HACL1: variants seen among roughly 807,000 people sequenced by gnomAD.
The protein encoded by HACL1 is 2-hydroxyacyl-CoA lyase 1.
Under a neutral mutation model 74.2 loss-of-function variants are expected in HACL1, and 64 were observed. The ratio of observed to expected loss-of-function variants is 0.86; its 90% CI spans 0.70 to 1.06. The LOEUF (loss-of-function observed/expected upper bound fraction) is 1.06, where lower values mean the gene tolerates loss of function less well. HACL1 is among the 50% of genes least tolerant of loss of function. The pLI, the probability that HACL1 is intolerant of heterozygous loss-of-function variation, is 0.00. For missense variants in HACL1, 728 were observed against 719.7 expected (o/e 1.01, Z -0.13); for synonymous variants, 230 against 238.8 (o/e 0.96, Z 0.34).
At chr3:15,585,406 A>G in intron 6 of HACL1, 64 bp from the exon 7 acceptor site, 1 of 885,892 alleles carries the variant, frequency 1.1e-6, no homozygotes, top group Non-Finnish European at 1.8e-6. Flanking sequence ...TTCTACTCAA[A>G]GATAATTTAA....
At chr3:15,568,686 A>G in intron 12 of HACL1, 100 bp from the exon 13 acceptor site, 4 of 714,606 alleles carry the variant, frequency 5.6e-6, no homozygotes, top group Non-Finnish European at 9.4e-6. Context: ...ATACGCAACA[A>G]CTACAAGCTA....
At chr3:15,578,237 G>A (rs1416185232) in intron 9 of HACL1, among the ~76,000 whole-genome samples, 2 of 151,560 alleles carry the variant, frequency 1.3e-5, no homozygotes, top group African/African-American at 4.9e-5. Flanking sequence ...TATTTTTTAT[G>A]TTGATGCTGA....
At chr3:15,581,107 G>A (rs1025518948) in intron 8 of HACL1, among the ~76,000 whole-genome samples, 3 of 152,156 alleles carry the variant, frequency 2.0e-5, no homozygotes, top group Non-Finnish European at 4.4e-5. Flanking sequence ...TCACCATGTT[G>A]GCCAGGATGG....
intron 9 of HACL1, among the ~76,000 whole-genome samples, chr3:15,578,439 A>T (rs2063663387): frequency 2.0e-5 from 3 of 152,228 alleles, no homozygotes; most frequent in Non-Finnish European, 4.4e-5. Flanking sequence ...AAGTTTGAAG[A>T]AGCAACCCAC....
At chr3:15,572,202 C>T (rs148590494) in intron 11 of HACL1, among the ~76,000 whole-genome samples, 32 of 152,236 alleles carry the variant, frequency 2.1e-4, no homozygotes, top group Non-Finnish European at 1.6e-4. Context: ...GAAGACTATA[C>T]GGCCATACTA....
chr3:15,591,695 G>T lies in HACL1; in HGVS notation c.228-15C>A. 2 of 1,573,694 alleles carry T rather than the reference G, an allele frequency of 1.3e-6. No individual in the cohort carries two copies. The highest frequency in any genetic ancestry group is 1.7e-6 in the Non-Finnish European group (2 of 1,146,256). On this transcript the variant is annotated splice_polypyrimidine_tract_variant and intron_variant, in intron 3 of 16. Transcript: ENST00000321169. ...AGACTCCTGGCCTAAAAGCAAAACA[G>T]AATTTATTAAAATCAGGTCAAATGT...
chr3:15,568,733 G>A (rs1302245451), intron 12 of HACL1, 147 bp from the exon 13 acceptor site: 7 of 590,160 alleles, frequency 1.2e-5, no homozygotes, highest in Non-Finnish European at 2.1e-5. Context: ...GCCACTCTGA[G>A]AAGTTGGCTG....
chr3:15,561,451 A>G (rs187305543), intron 16 of HACL1, among the ~76,000 whole-genome samples: 2 of 151,772 alleles, frequency 1.3e-5, no homozygotes, highest in South Asian at 4.1e-4. Context: ...ATGAAAATAA[A>G]TAATTTCAAA....
intron 16 of HACL1, 74 bp from the exon 17 acceptor site, chr3:15,560,971 G>C: frequency 8.6e-7 from 1 of 1,162,912 alleles, no homozygotes; most frequent in Non-Finnish European, 1.3e-6. Context: ...TGTTTCACTT[G>C]TTCTAAAACC....
At position 15,601,478 on chromosome 3, in the gene HACL1, C is replaced by A; in HGVS notation, c.-15G>T. The A allele has an allele frequency of 6.2e-7, 1 of 1,612,060 alleles. No homozygotes were observed. Among genetic ancestry groups the A allele is most frequent in the Non-Finnish European group, 8.5e-7 (1 of 1,180,028 alleles). ...CTGTCCGGCATCTTCCACCGAAAAG[C>A]TCTAAGCACTCACGCAGCCGGCAAA... On this transcript the variant is annotated 5_prime_UTR_variant, in exon 1 of 17. Transcript: ENST00000321169.
At chr3:15,586,448 G>T in intron 6 of HACL1, 77 bp downstream of exon 6, 1 of 773,712 alleles carries the variant, frequency 1.3e-6, no homozygotes, top group South Asian at 1.6e-5. Flanking sequence ...TCATTCTTTT[G>T]AGAATAAAAA....
At chr3:15,581,322 A>AC (rs1553643520) in intron 8 of HACL1, among the ~76,000 whole-genome samples, 1 of 150,362 alleles carries the variant, frequency 6.7e-6, no homozygotes, top group Non-Finnish European at 1.5e-5. Context: ...CAAGACCACT[A>AC]TTTTTTTTTG....
intron 10 of HACL1, among the ~76,000 whole-genome samples, chr3:15,573,916 G>A (rs973536940): frequency 5.9e-5 from 9 of 152,174 alleles, no homozygotes; most frequent in African/African-American, 2.2e-4. Flanking sequence ...TAATCAAGAG[G>A]GCAATCAAGA....
Position 15,580,057 on chromosome 3 carries a change from G to A in HACL1, c.668-12C>T. 1.2e-6 allele frequency: 2 copies of A among 1,607,860 alleles called. No individual in the cohort carries two copies. The highest frequency in any genetic ancestry group is 1.7e-6 in the Non-Finnish European group (2 of 1,175,144). On this transcript the variant is annotated splice_polypyrimidine_tract_variant and intron_variant, in intron 8 of 16. Transcript: ENST00000321169. ...AGCGTAAGCAGCACCTATAAGAAATGCAAATGTATTGGACAATTCAGTTAA... is the reference window on the plus strand; with the variant it reads ...AGCGTAAGCAGCACCTATAAGAAATACAAATGTATTGGACAATTCAGTTAA...
At chr3:15,580,568 T>C (rs2063702190) in intron 8 of HACL1, among the ~76,000 whole-genome samples, 2 of 152,206 alleles carry the variant, frequency 1.3e-5, no homozygotes, top group South Asian at 4.1e-4. Flanking sequence ...AGGATGTCTA[T>C]CCCAAAACAA....
intron 4 of HACL1, among the ~76,000 whole-genome samples, chr3:15,591,169 G>A (rs563006274): frequency 2.0e-5 from 3 of 152,158 alleles, no homozygotes; most frequent in Non-Finnish European, 4.4e-5. Flanking sequence ...ATCTATTTAA[G>A]GTATACCATA....
intron 12 of HACL1, among the ~76,000 whole-genome samples, chr3:15,570,789 C>T (rs1334815063): frequency 6.6e-6 from 1 of 151,476 alleles, no homozygotes; most frequent in Non-Finnish European, 1.5e-5. Context: ...CAAATGAGAG[C>T]GCTGCAAAAA....
intron 9 of HACL1, among the ~76,000 whole-genome samples, chr3:15,578,300 T>C (rs373834855): frequency 6.6e-6 from 1 of 152,040 alleles, no homozygotes; most frequent in South Asian, 2.1e-4. Flanking sequence ...TCTCTTCCTG[T>C]GTGTATAGTT....
At chr3:15,592,448 A>G (rs2063945148) in intron 3 of HACL1, among the ~76,000 whole-genome samples, 1 of 134,854 alleles carries the variant, frequency 7.4e-6, no homozygotes, top group Non-Finnish European at 1.6e-5. Context: ...ACACGTATAC[A>G]TACACACACG....
Sources: allele counts gnomAD v4.1 joint callset (sites outside exome capture counted in the v4.1 genomes callset), GRCh38; gene constraint gnomAD v4.1.1; transcripts MANE v1.5; gene names NCBI Gene and HGNC (gene_info 2026-07-23, HGNC 2026-07-21).